Variants in ARID1A observed in about 807,000 individuals in gnomAD.
ARID1A encodes AT-rich interaction domain 1A.
A neutral mutation model predicts 212.6 loss-of-function variants in ARID1A; 20 were observed. The ratio of observed to expected loss-of-function variants is 0.09; its 90% CI spans 0.07 to 0.14. ARID1A has a LOEUF of 0.14. Among genes scored for constraint, ARID1A ranks in the 10% least tolerant of loss-of-function variants. The probability of loss-of-function intolerance (pLI) is 1.00; values close to 1 mark genes in which losing one functional copy is unlikely to be tolerated. For synonymous variants in ARID1A, 1,376 were observed against 1,222.1 expected (o/e 1.13, Z -2.63); for missense variants, 2,587 against 3,059.0 (o/e 0.85, Z 3.64).
chr1:26,743,197 G>A (rs1269650431), intron 4 of ARID1A, among the ~76,000 whole-genome samples: 1 of 152,130 alleles, frequency 6.6e-6, no homozygotes, highest in Non-Finnish European at 1.5e-5. Flanking sequence ...CCACTCATTT[G>A]TACCTTAAGC....
intron 4 of ARID1A, among the ~76,000 whole-genome samples, chr1:26,753,562 A>G (rs368831395): frequency 2.6e-5 from 4 of 152,246 alleles, no homozygotes; most frequent in African/African-American, 7.2e-5. Context: ...TAGATGAGCA[A>G]TAAAATGCAC....
In ARID1A at chr1:26,697,262, C is replaced by A; in HGVS notation, c.859C>A (p.Pro287Thr). The A allele has an allele frequency of 2.2e-6, 3 of 1,367,410 alleles. No homozygotes were observed. Among genetic ancestry groups the A allele is most frequent in the Admixed American group, 3.8e-5 (1 of 26,308 alleles). The allele number at this position is 1,367,410 out of a possible 1,614,324, so 84.7% of individuals were successfully genotyped here. A position where few individuals can be genotyped will look rare whatever the true frequency, so the allele number is the denominator to read the frequency against. The change falls in exon 1 of 20, where the codon CCC becomes ACC. Residue 287 changes from proline (P) to threonine (T), a missense_variant. Transcript: ENST00000324856. ...GGPSAAGGGT[P>T]QPTATPTLNQ... The stretch of plus-strand genomic sequence containing the variant: ...CCCCTCCGCGGCCGGCGGGGGAACT[C>A]CCCAGCCCACCGCCACCCCCACCCT...
chr1:26,699,489 T>G (rs961199782), intron 1 of ARID1A, among the ~76,000 whole-genome samples: 2 of 152,340 alleles, frequency 1.3e-5, no homozygotes, highest in Non-Finnish European at 1.5e-5. Flanking sequence ...ACTTTACTAC[T>G]CTTTTGAGCT....
In ARID1A at chr1:26,773,582, C is replaced by T. The variant is rs764041562; in HGVS notation, c.3869C>T (p.Thr1290Met). The T allele has an allele frequency of 2.0e-5, 32 of 1,614,056 alleles. No homozygotes were observed. Among genetic ancestry groups the T allele is most frequent in the Middle Eastern group, 1.6e-4 (1 of 6,084 alleles). The change falls in exon 16 of 20, where the codon ACG becomes ATG. Residue 1290 changes from threonine to methionine, a missense_variant and splice_region_variant. Physicochemically the swap from Thr to Met is moderately conservative, Grantham distance 81 (BLOSUM62 -1). This residue lies in a region of ARID1A where 890 missense variants were observed against 1,098.2 expected (regional missense o/e 0.81). Coordinates refer to ENST00000324856, the MANE Select transcript of ARID1A (RefSeq NM_006015.6). ...TCTGCCTCTCCAATTTTGTTTAGGACGGAGCCTGGAATAGGGCCTGAGGGA... is the reference window on the plus strand; with the variant it reads ...TCTGCCTCTCCAATTTTGTTTAGGATGGAGCCTGGAATAGGGCCTGAGGGA... ...PYGGPYDRVR[T>M]EPGIGPEGNM...
chr1:26,768,150 G>C lies in ARID1A; in HGVS notation c.3198+151G>C, dbSNP rs1053227048. ...TAATATTGATAGACCGGGGAGCACA[G>C]GTTTCCCAGAAGATAAGGCAGGAAG... On this transcript the variant is annotated intron_variant, in intron 11 of 19. Transcript: ENST00000324856. 3.3e-6 allele frequency: 3 copies of C among 896,676 alleles called. No individual in the cohort carries two copies. The South Asian group carries it at 5.4e-5, about 16-fold the overall frequency. 55.5% of individuals were successfully genotyped at this position (896,676 alleles called of 1,614,324 possible). A position where few individuals can be genotyped will look rare whatever the true frequency, so the allele number is the denominator to read the frequency against.
Position 26,767,965 on chromosome 1 carries a change from A to T in ARID1A, c.3164A>T (p.Tyr1055Phe), listed in dbSNP as rs1422061345. 6.2e-7 allele frequency: 1 copy of T among 1,613,926 alleles called. No homozygotes were observed. The highest frequency in any genetic ancestry group is 8.5e-7 in the Non-Finnish European group (1 of 1,179,884). ...GRKPLDLYRL[Y>F]VSVKEIGGLT... ...AAACCTCTGGACCTCTATCGCCTCT[A>T]TGTGTCTGTGAAGGAGATTGGTGGA... The change falls in exon 11 of 20, where the codon TAT becomes TTT. Residue 1055 changes from tyrosine to phenylalanine, a missense_variant. Physicochemically the swap from Tyr to Phe is conservative, Grantham distance 22. Transcript: ENST00000324856.
At chr1:26,735,873 C>A (rs1045539336) in intron 4 of ARID1A, among the ~76,000 whole-genome samples, 3 of 152,182 alleles carry the variant, frequency 2.0e-5, no homozygotes, top group Admixed American at 6.5e-5. Flanking sequence ...ACACCCTTCC[C>A]TTTGCCTCAT....
At chr1:26,768,668 A>G (rs1259195846) in intron 11 of ARID1A, among the ~76,000 whole-genome samples, 3 of 152,226 alleles carry the variant, frequency 2.0e-5, no homozygotes, top group Non-Finnish European at 4.4e-5. Flanking sequence ...TCTGTATGGG[A>G]AACTTAAATG....
At position 26,773,688 on chromosome 1, in the gene ARID1A, C is replaced by G. The variant is rs148038965; in HGVS notation, c.3975C>G (p.Pro1325=). 32 of 1,613,968 alleles carry G rather than the reference C, an allele frequency of 2.0e-5. No homozygotes were observed. The highest frequency in any genetic ancestry group is 2.7e-5 in the African/African-American group (2 of 74,896). ...GGATGTATTCTCCTAGCCGCTACCCCCCGCAGCAGCAGCAGCAGCAGCAGC... is the reference window on the plus strand; with the variant it reads ...GGATGTATTCTCCTAGCCGCTACCCGCCGCAGCAGCAGCAGCAGCAGCAGC... The part of the protein sequence containing the change: ...DSGMYSPSRY[P]PQQQQQQQQR... The change falls in exon 16 of 20, where the codon CCC becomes CCG. Residue 1325 remains proline (P), a synonymous_variant. Transcript: ENST00000324856.
At chr1:26,750,020 G>T (rs2080870903) in intron 4 of ARID1A, among the ~76,000 whole-genome samples, 1 of 152,188 alleles carries the variant, frequency 6.6e-6, no homozygotes, top group African/African-American at 2.4e-5. Flanking sequence ...TGTCGTTTGT[G>T]TGTCTGGCAT....
chr1:26,780,787 T>C lies in ARID1A; in HGVS notation c.*31T>C. 1 of 1,523,934 alleles carries C rather than the reference T, an allele frequency of 6.6e-7. No individual in the cohort carries two copies. Among genetic ancestry groups the C allele is most frequent in the Non-Finnish European group, 8.8e-7 (1 of 1,138,138 alleles). The allele number at this position is 1,523,934 out of a possible 1,614,324, so 94.4% of individuals were successfully genotyped here. On this transcript the variant is annotated 3_prime_UTR_variant, in exon 20 of 20. Coordinates refer to ENST00000324856, the MANE Select transcript of ARID1A (RefSeq NM_006015.6). This position sits in a 1 kb window ranked among gnomAD's most constrained non-coding sequence, Gnocchi z 7.2. ...GTGGGACACCTCCCCCCCCCGTGTG[T>C]GTGTGCGTGTGTGGAGAACTTAGAA...
At chr1:26,722,245 G>GT (rs775115791) in intron 1 of ARID1A, among the ~76,000 whole-genome samples, 19 of 151,780 alleles carry the variant, frequency 1.3e-4, no homozygotes, top group Middle Eastern at 3.4e-3. Flanking sequence ...TTTTGTGGTG[G>GT]TTTTTTTTGT....
rs2124112464 is a variant in ARID1A at position 26,773,584 on chromosome 1, G to A, written c.3871G>A (p.Glu1291Lys). Residue 1291 changes from glutamate to lysine, a missense_variant, in exon 16 of 20, where the codon GAG (glutamate) becomes AAG (lysine). This residue lies in a region of ARID1A where 890 missense variants were observed against 1,098.2 expected (regional missense o/e 0.81). Coordinates refer to ENST00000324856, the MANE Select transcript of ARID1A (RefSeq NM_006015.6). Reference protein sequence around the residue: ...YGGPYDRVRTEPGIGPEGNMS... With the variant: ...YGGPYDRVRTKPGIGPEGNMS... ...TGCCTCTCCAATTTTGTTTAGGACG[G>A]AGCCTGGAATAGGGCCTGAGGGAAA... 2 of 1,614,192 alleles carry A rather than the reference G, an allele frequency of 1.2e-6. No individual in the cohort carries two copies. The highest frequency in any genetic ancestry group is 1.7e-6 in the Non-Finnish European group (2 of 1,180,036).
chr1:26,718,486 A>G (rs1287760945), intron 1 of ARID1A, among the ~76,000 whole-genome samples: 5 of 152,144 alleles, frequency 3.3e-5, no homozygotes, highest in Admixed American at 2.0e-4. Context: ...ACCAGACCCT[A>G]TATGTACAAA....
chr1:26,764,779 A>G (rs1214655795), intron 8 of ARID1A: 1 of 152,216 alleles, frequency 6.6e-6, no homozygotes, highest in Non-Finnish European at 1.5e-5. Flanking sequence ...CATTTCATCT[A>G]TGCCTTTTGC....
At chr1:26,733,904 T>C (rs1375318537) in intron 4 of ARID1A, among the ~76,000 whole-genome samples, 2 of 152,212 alleles carry the variant, frequency 1.3e-5, no homozygotes, top group Non-Finnish European at 2.9e-5. Context: ...ACTCTCTTCA[T>C]CATGAAGCCT....
chr1:26,752,953 G>A (rs2080897758), intron 4 of ARID1A: 1 of 152,070 alleles, frequency 6.6e-6, no homozygotes, highest in East Asian at 1.9e-4. Context: ...ACTCCATCTG[G>A]GATTCCCCAA....
In ARID1A at chr1:26,731,696, C is replaced by G; in HGVS notation, c.1803+92C>G. 3 of 1,376,800 alleles carry G rather than the reference C, an allele frequency of 2.2e-6. No homozygotes were observed. The South Asian group carries it at 3.9e-5, about 18-fold the overall frequency. 85.3% of individuals were successfully genotyped at this position (1,376,800 alleles called of 1,614,324 possible). ...GAGAACTTTGCTGTACAGAGTGGTT[C>G]TCTAACGTGCACTTAAAGACCAATT... On this transcript the variant is annotated intron_variant, in intron 3 of 19. Transcript: ENST00000324856.
chr1:26,778,454 G>C (rs566266695), intron 19 of ARID1A: 1 of 152,282 alleles, frequency 6.6e-6, no homozygotes, highest in Non-Finnish European at 1.5e-5. Context: ...TTGGGTCTCT[G>C]TAGCACCAGC....
Sources: gnomAD v4.1 joint callset for allele counts (sites outside exome capture counted in the v4.1 genomes callset) on GRCh38, gnomAD v4.1.1 for gene constraint, gnomAD v4.1.1 regional missense constraint, Gnocchi (gnomAD v3.1) non-coding constraint, MANE v1.5 for transcripts, NCBI Gene and HGNC (gene_info 2026-07-23, HGNC 2026-07-21) for gene names.